The following RASSF9 variants were observed in gnomAD, a reference collection of about 807,000 sequenced individuals.
The protein encoded by RASSF9 is Ras association domain family member 9, also known as ras association domain-containing protein 9.
Under a neutral mutation model 21.4 loss-of-function variants are expected in RASSF9, and 18 were observed. The observed-to-expected ratio is 0.84, with a 90% CI of 0.58 to 1.25. The LOEUF (loss-of-function observed/expected upper bound fraction) is 1.25, where lower values mean the gene tolerates loss of function less well. RASSF9 is among the 50% of genes most tolerant of loss of function. The probability of loss-of-function intolerance (pLI) is 0.00; values close to 1 mark genes in which losing one functional copy is unlikely to be tolerated. For missense variants in RASSF9, 480 were observed against 503.2 expected (o/e 0.95, Z 0.44); for synonymous variants, 183 against 179.1 (o/e 1.02, Z -0.18).
chr12:85,826,713 G>A (rs1312256210), intron 1 of RASSF9, among the ~76,000 whole-genome samples: 5 of 151,888 alleles, frequency 3.3e-5, no homozygotes, highest in Non-Finnish European at 7.4e-5. Flanking sequence ...AAAGTGCTGG[G>A]ATTACAGGCA....
At position 85,804,696 on chromosome 12, in the gene RASSF9, T is replaced by C; in HGVS notation, c.*6A>G. ...ATGAAAGCAGGTCAGAAAGGAGCCA[T>C]TGGAACTATGTTGACAACAGCACCA... On this transcript the variant is annotated 3_prime_UTR_variant, in exon 2 of 2. Transcript: ENST00000361228. The C allele has an allele frequency of 6.4e-7, 1 of 1,570,460 alleles. No homozygotes were observed.
At chr12:85,814,658 A>ATT (rs1880022239) in intron 1 of RASSF9, among the ~76,000 whole-genome samples, 1 of 138,622 alleles carries the variant, frequency 7.2e-6, no homozygotes, top group Admixed American at 7.1e-5. Context: ...TATGAATAGA[A>ATT]ATTTTTTTTT....
At chr12:85,833,370 A>T (rs1003963992) in intron 1 of RASSF9, among the ~76,000 whole-genome samples, 2 of 151,926 alleles carry the variant, frequency 1.3e-5, no homozygotes, top group Admixed American at 6.6e-5. Flanking sequence ...CCTGGACATG[A>T]AAACACAATG....
At chr12:85,822,685 G>A (rs1016564692) in intron 1 of RASSF9, among the ~76,000 whole-genome samples, 5 of 151,944 alleles carry the variant, frequency 3.3e-5, no homozygotes, top group African/African-American at 1.2e-4. Flanking sequence ...GAATTTTACT[G>A]TCGCCACCTC....
intron 1 of RASSF9, among the ~76,000 whole-genome samples, chr12:85,812,891 T>G (rs1879982206): frequency 6.6e-6 from 1 of 151,714 alleles, no homozygotes; most frequent in Non-Finnish European, 1.5e-5. Flanking sequence ...AACTAGTCTG[T>G]TTTTTTATTG....
Position 85,813,484 on chromosome 12 carries a change from C to T in RASSF9, c.48-7522G>A, listed in dbSNP as rs1022264942. 1.5e-4 allele frequency among the ~76,000 whole-genome samples: 23 copies of T among 151,698 alleles called. 1 individual carries two copies. Among genetic ancestry groups the T allele is most frequent in the Admixed American group, 2.0e-4 (3 of 15,196 alleles). ...TTGAAGTTTTAAGATAAAATATTGT[C>T]TATGATATTGTAACATCAAATTGGA... On this transcript the variant is annotated intron_variant, in intron 1 of 1. Transcript: ENST00000361228.
At chr12:85,823,219 T>A (rs903229808) in intron 1 of RASSF9, among the ~76,000 whole-genome samples, 19 of 143,336 alleles carry the variant, frequency 1.3e-4, no homozygotes, top group African/African-American at 3.9e-4. Context: ...AAAAAAAAAA[T>A]GTCTACTGCC....
intron 1 of RASSF9, among the ~76,000 whole-genome samples, chr12:85,806,624 G>A (rs1436085403): frequency 8.0e-6 from 1 of 125,262 alleles, no homozygotes; most frequent in Non-Finnish European, 1.6e-5. Context: ...AGGGAGTGGA[G>A]ATTGTGCCAC....
At chr12:85,811,536 T>G (rs1013643267) in intron 1 of RASSF9, among the ~76,000 whole-genome samples, 30 of 152,002 alleles carry the variant, frequency 2.0e-4, no homozygotes, top group African/African-American at 6.3e-4. Context: ...CTCAAAAAAG[T>G]GTACATTTAA....
chr12:85,835,590 C>T (rs1333192416), intron 1 of RASSF9, among the ~76,000 whole-genome samples: 2 of 151,670 alleles, frequency 1.3e-5, no homozygotes, highest in Non-Finnish European at 2.9e-5. Flanking sequence ...TCAATTCAAA[C>T]AAAGTTTCTC....
chr12:85,816,194 A>G (rs975444737), intron 1 of RASSF9, among the ~76,000 whole-genome samples: 1 of 152,062 alleles, frequency 6.6e-6, no homozygotes, highest in Non-Finnish European at 1.5e-5. Flanking sequence ...CAGGCAAAAT[A>G]ACTAATGGGT....
chr12:85,810,650 G>A (rs912046339), intron 1 of RASSF9, among the ~76,000 whole-genome samples: 9 of 151,810 alleles, frequency 5.9e-5, no homozygotes, highest in African/African-American at 2.2e-4. Flanking sequence ...CTCGAACTGG[G>A]CCTAAATAAA....
intron 1 of RASSF9, among the ~76,000 whole-genome samples, chr12:85,810,003 T>C (rs1879917889): frequency 6.6e-6 from 1 of 151,982 alleles, no homozygotes; most frequent in Non-Finnish European, 1.5e-5. Context: ...CAGCTATTTC[T>C]CAATATTTCG....
In RASSF9 at chr12:85,804,926, T is replaced by G. The variant is rs1283274812; in HGVS notation, c.1084A>C (p.Lys362Gln). The change falls in exon 2 of 2, where the codon AAG (lysine) becomes CAG (glutamine). Residue 362 changes from lysine to glutamine, a missense_variant. Lys to Gln is a moderately conservative substitution (Grantham distance 53, BLOSUM62 1). Coordinates refer to ENST00000361228, the MANE Select transcript of RASSF9 (RefSeq NM_005447.4). ...MKAKEYELLA[K>Q]EFNSLHISNK... The stretch of plus-strand genomic sequence containing the variant: ...CTAATGTGAAGTGAATTGAATTCCT[T>G]GGCCAGGAGTTCATATTCTTTTGCT... The G allele has an allele frequency of 1.9e-6, 3 of 1,613,834 alleles. No individual in the cohort carries two copies. Among genetic ancestry groups the G allele is most frequent in the Non-Finnish European group, 2.5e-6 (3 of 1,179,720 alleles).
chr12:85,805,388 C>G lies in RASSF9; in HGVS notation c.622G>C (p.Asp208His). 6.2e-7 allele frequency: 1 copy of G among 1,613,554 alleles called. No individual in the cohort carries two copies. The highest frequency in any genetic ancestry group is 8.5e-7 in the Non-Finnish European group (1 of 1,179,740). ...HQQVKRMKEL[D>H]LEIEKCEAKF... ...GCTTCACACTTTTCAATTTCCAGAT[C>G]CAGCTCTTTCATTCTCTTGACTTGC... Residue 208 changes from aspartate (D) to histidine (H), a missense_variant, in exon 2 of 2, where the codon GAT (aspartate) becomes CAT (histidine). Coordinates refer to ENST00000361228, the MANE Select transcript of RASSF9 (RefSeq NM_005447.4).
chr12:85,809,576 A>G (rs532577408), intron 1 of RASSF9, among the ~76,000 whole-genome samples: 35 of 152,012 alleles, frequency 2.3e-4, no homozygotes, highest in African/African-American at 8.4e-4. Flanking sequence ...TATTTCCTGT[A>G]GCAGACATAT....
At chr12:85,813,376 C>T (rs185210414) in intron 1 of RASSF9, among the ~76,000 whole-genome samples, 2 of 151,812 alleles carry the variant, frequency 1.3e-5, no homozygotes, top group Admixed American at 1.3e-4. Context: ...AATAAAAAGG[C>T]AAGATTCATA....
At chr12:85,834,135 C>T (rs10506918) in intron 1 of RASSF9, among the ~76,000 whole-genome samples, 57,192 of 151,822 alleles carry the variant, frequency 0.38, 11,629 homozygotes, top group African/African-American at 0.5. Flanking sequence ...CACTGCTTAA[C>T]TTGAAATACC....
At chr12:85,833,453 A>G (rs998624963) in intron 1 of RASSF9, among the ~76,000 whole-genome samples, 2 of 151,900 alleles carry the variant, frequency 1.3e-5, no homozygotes, top group African/African-American at 2.4e-5. Flanking sequence ...GTATTGCCTC[A>G]TACTTTGAAG....
Sources: gnomAD v4.1 joint callset for allele counts (sites outside exome capture counted in the v4.1 genomes callset) on GRCh38, gnomAD v4.1.1 for gene constraint, MANE v1.5 for transcripts, NCBI Gene and HGNC (gene_info 2026-07-23, HGNC 2026-07-21) for gene names.